The following ZNF717 variants were observed in gnomAD, a reference collection of about 807,000 sequenced individuals.
ZNF717 encodes krueppel-like factor X17.
Under a neutral mutation model 13.8 loss-of-function variants are expected in ZNF717, and 9 were observed. The ratio of observed to expected loss-of-function variants is 0.65; its 90% CI spans 0.39 to 1.14. The LOEUF is 1.14. ZNF717 is among the 50% of genes most tolerant of loss of function. ZNF717 has a pLI of 0.01. For missense variants in ZNF717, 1,040 were observed against 1,080.7 expected (o/e 0.96, Z 0.53); for synonymous variants, 327 against 364.1 (o/e 0.90, Z 1.16).
chr3:75,755,647 T>C (rs1942404736), intron 2 of ZNF717, among the ~76,000 whole-genome samples: 1 of 152,158 alleles, frequency 6.6e-6, no homozygotes, highest in South Asian at 2.1e-4. Flanking sequence ...AGTGGGATAG[T>C]GTTATATGAA....
At chr3:75,753,093 A>G (rs1256657173) in intron 2 of ZNF717, among the ~76,000 whole-genome samples, 1 of 151,912 alleles carries the variant, frequency 6.6e-6, no homozygotes, top group Non-Finnish European at 1.5e-5. Flanking sequence ...ATTCCAGAAC[A>G]CTGCTGCTAG....
Position 75,739,095 on chromosome 3 carries a change from A to G in ZNF717, c.528T>C (p.Ser176=). 6.4e-7 allele frequency: 1 copy of G among 1,551,592 alleles called. No homozygotes were observed. The highest frequency in any genetic ancestry group is 8.7e-7 in the Non-Finnish European group (1 of 1,146,932). Residue 176 remains serine, a synonymous_variant, in exon 5 of 5, where the codon TCT becomes TCC. Transcript: ENST00000652011. The part of the protein sequence containing the change: ...LFPIKPGETQ[S]GEKPHVCDIT... ...TATCACAGACATGAGGTTTCTCTCCAGACTGTGTCTCCCCAGGCTTAATAG... is the reference window on the plus strand; with the variant it reads ...TATCACAGACATGAGGTTTCTCTCCGGACTGTGTCTCCCCAGGCTTAATAG...
chr3:75,779,907 A>G (rs563739123), intron 2 of ZNF717, among the ~76,000 whole-genome samples: 2 of 152,126 alleles, frequency 1.3e-5, no homozygotes, highest in African/African-American at 4.8e-5. Flanking sequence ...CAGAAACCCA[A>G]AACAACGGGA....
chr3:75,740,652 C>A (rs1159679845), intron 4 of ZNF717, among the ~76,000 whole-genome samples: 4 of 147,458 alleles, frequency 2.7e-5, no homozygotes, highest in Admixed American at 2.1e-4. Flanking sequence ...GGCAATAGAA[C>A]AAGACCTCAT....
chr3:75,746,243 T>C (rs1475066374), intron 2 of ZNF717, among the ~76,000 whole-genome samples: 1 of 152,246 alleles, frequency 6.6e-6, no homozygotes, highest in Non-Finnish European at 1.5e-5. Flanking sequence ...ATGGTGTATA[T>C]GTGCCACATT....
At position 75,738,387 on chromosome 3, in the gene ZNF717, T is replaced by C; in HGVS notation, c.1236A>G (p.Ile412Met). The C allele has an allele frequency of 6.5e-7, 1 of 1,539,090 alleles. No individual in the cohort carries two copies. Among genetic ancestry groups the C allele is most frequent in the African/African-American group, 1.4e-5 (1 of 72,740 alleles). The change falls in exon 5 of 5, where the codon ATA becomes ATG. Residue 412 changes from isoleucine to methionine, a missense_variant. Ile to Met is a conservative substitution (Grantham distance 10). Around this residue, in one of 3 missense-constraint regions of ZNF717, gnomAD observed 873 missense variants for 832.8 expected, o/e 1.05. Coordinates refer to ENST00000652011, the MANE Select transcript of ZNF717 (RefSeq NM_001290208.3). Reference protein sequence around the residue: ...KTFSQKSYLTIHHRTHTGEKP... With the variant: ...KTFSQKSYLTMHHRTHTGEKP... The stretch of plus-strand genomic sequence containing the variant: ...TTTCCCCTGTGTGAGTTCTATGATG[T>C]ATTGTGAGGTATGACTTCTGGCTAA...
chr3:75,734,815 A>ATTTTTTTTTT (rs1469622349), downstream of ZNF717, among the ~76,000 whole-genome samples: 1 of 43,256 alleles, frequency 2.3e-5, no homozygotes, highest in African/African-American at 8.0e-5. Flanking sequence ...ATATATATAT[A>ATTTTTTTTTT]TATTTTTTTT....
At chr3:75,717,520 T>C (rs1938080011) in intron 4 of ZNF717, among the ~76,000 whole-genome samples, 1 of 152,222 alleles carries the variant, frequency 6.6e-6, no homozygotes, top group Non-Finnish European at 1.5e-5. Flanking sequence ...AAACCTGGCT[T>C]GCTTCTGGCA....
chr3:75,743,012 G>T (rs1355759445), intron 2 of ZNF717, among the ~76,000 whole-genome samples: 8 of 152,324 alleles, frequency 5.3e-5, no homozygotes, highest in Admixed American at 2.0e-4. Flanking sequence ...TGGCATTGCA[G>T]ATGAAGTGCA....
At position 75,738,495 on chromosome 3, in the gene ZNF717, A is replaced by G; in HGVS notation, c.1128T>C (p.Phe376=). Residue 376 remains phenylalanine (F), a synonymous_variant, in exon 5 of 5, where the codon TTT becomes TTC. Coordinates refer to ENST00000652011, the MANE Select transcript of ZNF717 (RefSeq NM_001290208.3). ...PYKCIECGKT[F]HCKSLLTLHH... ...GTAAAGTGAGAAGTGACTTACAGTG[A>G]AAAGTTTTTCCACATTCAATACATT... The G allele has an allele frequency of 6.5e-7, 1 of 1,531,294 alleles. No homozygotes were observed. The highest frequency in any genetic ancestry group is 8.8e-7 in the Non-Finnish European group (1 of 1,132,458). 94.9% of individuals were successfully genotyped at this position (1,531,294 alleles called of 1,614,324 possible).
At chr3:75,753,391 T>G (rs796276570) in intron 2 of ZNF717, among the ~76,000 whole-genome samples, 4 of 113,920 alleles carry the variant, frequency 3.5e-5, no homozygotes, top group African/African-American at 1.0e-4. Flanking sequence ...ACTGCTGCTG[T>G]GGTCTGAATG....
intron 2 of ZNF717, among the ~76,000 whole-genome samples, chr3:75,760,596 T>C (rs1299859123): frequency 6.8e-6 from 1 of 146,114 alleles, no homozygotes; most frequent in Non-Finnish European, 1.5e-5. Context: ...AGAAGAAAGA[T>C]CTCAAACCCA....
At chr3:75,715,105 T>G (rs1938020753) in intron 5 of ZNF717, among the ~76,000 whole-genome samples, 2 of 152,336 alleles carry the variant, frequency 1.3e-5, no homozygotes, top group South Asian at 4.1e-4. Flanking sequence ...ATAGGTAATC[T>G]AATAAGTGCT....
downstream of ZNF717, among the ~76,000 whole-genome samples, chr3:75,704,643 C>T (rs1390076478): frequency 7.9e-5 from 12 of 152,314 alleles, no homozygotes; most frequent in African/African-American, 4.8e-5. Flanking sequence ...AAGATGTTTG[C>T]CACTTTCTCT....
intron 4 of ZNF717, among the ~76,000 whole-genome samples, chr3:75,722,803 C>CAAAAAA (rs146853808): frequency 0.064 from 6,260 of 98,390 alleles, 543 homozygotes; most frequent in African/African-American, 0.18. Flanking sequence ...AACTCCATCT[C>CAAAAAA]AAAAAAAAAA....
chr3:75,717,708 A>G (rs1938084355), intron 4 of ZNF717, among the ~76,000 whole-genome samples: 2 of 152,180 alleles, frequency 1.3e-5, no homozygotes, highest in Non-Finnish European at 2.9e-5. Context: ...AGAGTCATTC[A>G]CAGGTGTTGG....
At chr3:75,771,193 T>C (rs1473152134) in intron 2 of ZNF717, among the ~76,000 whole-genome samples, 1 of 152,174 alleles carries the variant, frequency 6.6e-6, no homozygotes, top group African/African-American at 2.4e-5. Context: ...TGTGTTCAAA[T>C]AAGGCAAATG....
intron 2 of ZNF717, among the ~76,000 whole-genome samples, chr3:75,765,845 A>G (rs112810088): frequency 2.0e-3 from 306 of 149,460 alleles, no homozygotes; most frequent in African/African-American, 7.5e-3. Flanking sequence ...ATGGTGGCTC[A>G]TGCCTGTAAT....
chr3:75,737,252 A>G lies in ZNF717; in HGVS notation c.2371T>C (p.Cys791Arg), dbSNP rs76634974. ...GTCTTATCGTAAAAAGTTTTCCTACATTCATCACATTCATAGGGTTTCTCT... is the reference window on the plus strand; with the variant it reads ...GTCTTATCGTAAAAAGTTTTCCTACGTTCATCACATTCATAGGGTTTCTCT... ...SGEKPYECDE[C>R]RKTFYDKTVL... is the part of the protein sequence containing the mutation. The change falls in exon 5 of 5, where the codon TGT becomes CGT. Residue 791 changes from cysteine (C) to arginine (R), a missense_variant. Cys to Arg is a radical substitution (Grantham distance 180). Transcript: ENST00000652011. 100 of 1,508,728 alleles carry G rather than the reference A, an allele frequency of 6.6e-5. No individual in the cohort carries two copies. The highest frequency in any genetic ancestry group is 6.5e-4 in the Admixed American group (33 of 50,826). The allele number at this position is 1,508,728 out of a possible 1,614,324, so 93.5% of individuals were successfully genotyped here.
Sources: gnomAD v4.1 joint callset for allele counts (sites outside exome capture counted in the v4.1 genomes callset) on GRCh38, gnomAD v4.1.1 for gene constraint, gnomAD v4.1.1 regional missense constraint, MANE v1.5 for transcripts, NCBI Gene and HGNC (gene_info 2026-07-23, HGNC 2026-07-21) for gene names.